STX8: variants seen among roughly 807,000 people sequenced by gnomAD.
STX8 encodes the protein syntaxin-8.
STX8 carries 23 observed loss-of-function variants against 37.5 expected under a neutral mutation model. The observed-to-expected ratio is 0.61, with a 90% CI of 0.44 to 0.87. The LOEUF (loss-of-function observed/expected upper bound fraction) is 0.87, where lower values mean the gene tolerates loss of function less well. Among genes scored for constraint, STX8 ranks in the 40% least tolerant of loss-of-function variants. The pLI is 0.00. For missense variants in STX8, 313 were observed against 284.7 expected, an observed-to-expected ratio of 1.10 and a Z score of -0.71; for synonymous variants, 115 against 99.1, an observed-to-expected ratio of 1.16 and a Z score of -0.95.
chr17:9,546,412 CCTT>C (rs2142571123), intron 3 of STX8, among the ~76,000 whole-genome samples: 1 of 151,308 alleles, frequency 6.6e-6, no homozygotes, highest in Non-Finnish European at 1.5e-5. Flanking sequence ...AAACAACCAT[CCTT>C]CTGGGAAATG....
Position 9,270,348 on chromosome 17 carries a change from C to T in STX8, c.644-19703G>A, listed in dbSNP as rs552854610. ...CAAGCACCGCCGTCTCCTGGGTTCA[C>T]GCCATTCTCCTCCCTCAGCCTCCCA... On this transcript the variant is annotated intron_variant, in intron 7 of 7. Transcript: ENST00000306357. Among the ~76,000 whole-genome samples the T allele has an allele frequency of 4.3e-4, 66 of 152,240 alleles. 1 individual carries two copies. The South Asian group carries it at 5.0e-3, about 11-fold the overall frequency.
chr17:9,558,834 A>C (rs1425430513), intron 2 of STX8, among the ~76,000 whole-genome samples: 1 of 152,094 alleles, frequency 6.6e-6, no homozygotes, highest in Non-Finnish European at 1.5e-5. Context: ...AAAAAAAAAA[A>C]AAGATAAAAG....
chr17:9,439,468 G>C (rs949986663), intron 6 of STX8, among the ~76,000 whole-genome samples: 2 of 151,746 alleles, frequency 1.3e-5, no homozygotes, highest in Non-Finnish European at 2.9e-5. Flanking sequence ...ATCTTCAATA[G>C]TCATATCTTC....
chr17:9,382,422 C>T (rs1017526611), intron 6 of STX8, among the ~76,000 whole-genome samples: 3 of 152,076 alleles, frequency 2.0e-5, no homozygotes, highest in African/African-American at 4.8e-5. Flanking sequence ...AAGGGTATCA[C>T]GCAAGATTTT....
At chr17:9,404,073 T>A (rs1438976813) in intron 6 of STX8, among the ~76,000 whole-genome samples, 6 of 152,184 alleles carry the variant, frequency 3.9e-5, no homozygotes, top group African/African-American at 1.4e-4. Flanking sequence ...CATTATATTC[T>A]TACAATAAAG....
intron 6 of STX8, among the ~76,000 whole-genome samples, chr17:9,487,147 A>G (rs2142466991): frequency 6.6e-6 from 1 of 152,290 alleles, no homozygotes; most frequent in South Asian, 2.1e-4. Flanking sequence ...TCTATGAGGA[A>G]ATTAGAAACT....
intron 6 of STX8, among the ~76,000 whole-genome samples, chr17:9,386,568 C>T (rs985593327): frequency 2.0e-5 from 3 of 151,992 alleles, no homozygotes; most frequent in Admixed American, 2.0e-4. Context: ...AGGGAGGGAG[C>T]TGGCAGGCGG....
intron 7 of STX8, among the ~76,000 whole-genome samples, chr17:9,320,719 C>T (rs1909546288): frequency 6.7e-6 from 1 of 149,108 alleles, no homozygotes; most frequent in Non-Finnish European, 1.5e-5. Flanking sequence ...ATGGTGAAAC[C>T]TCATCTCTAT....
chr17:9,424,527 C>A (rs1489999732), intron 6 of STX8, among the ~76,000 whole-genome samples: 1 of 152,048 alleles, frequency 6.6e-6, no homozygotes, highest in Non-Finnish European at 1.5e-5. Flanking sequence ...GGCCTTCCTC[C>A]CCCTGCCTCT....
chr17:9,501,460 G>C (rs565069087), intron 5 of STX8, among the ~76,000 whole-genome samples: 43 of 152,284 alleles, frequency 2.8e-4, no homozygotes, highest in African/African-American at 1.0e-3. Flanking sequence ...GGAGGCCGAG[G>C]TGGGTGGGTC....
chr17:9,526,136 C>T (rs1196500819), intron 4 of STX8, among the ~76,000 whole-genome samples: 1 of 151,382 alleles, frequency 6.6e-6, no homozygotes, highest in African/African-American at 2.4e-5. Context: ...ATGAGGGCCC[C>T]TGAAAGGGAA....
chr17:9,564,208 C>G (rs1337046662), intron 2 of STX8, among the ~76,000 whole-genome samples: 1 of 151,912 alleles, frequency 6.6e-6, no homozygotes, highest in Non-Finnish European at 1.5e-5. Flanking sequence ...TGCTACCACT[C>G]CTATTCAACA....
chr17:9,283,555 T>G (rs1470093941), intron 7 of STX8, among the ~76,000 whole-genome samples: 1 of 151,942 alleles, frequency 6.6e-6, no homozygotes, highest in Non-Finnish European at 1.5e-5. Context: ...AACAAACAAA[T>G]AAAAGAAATA....
At chr17:9,337,663 G>A (rs555939293) in intron 7 of STX8, among the ~76,000 whole-genome samples, 1 of 152,128 alleles carries the variant, frequency 6.6e-6, no homozygotes, top group Non-Finnish European at 1.5e-5. Flanking sequence ...CACTGTGCCC[G>A]GCCAGAACCT....
At chr17:9,475,637 A>G (rs1012649679) in intron 6 of STX8, among the ~76,000 whole-genome samples, 1 of 152,222 alleles carries the variant, frequency 6.6e-6, no homozygotes, top group Non-Finnish European at 1.5e-5. Flanking sequence ...AATGAGTCAA[A>G]GAAGAGCCTC....
chr17:9,378,784 C>T (rs1015754244), intron 6 of STX8, 131 bp from the exon 7 acceptor site: 18 of 623,616 alleles, frequency 2.9e-5, no homozygotes, highest in African/African-American at 9.3e-5. Context: ...GAACTCATGT[C>T]GATTCTTTGA....
intron 6 of STX8, among the ~76,000 whole-genome samples, chr17:9,380,889 A>G (rs1443233300): frequency 6.6e-6 from 1 of 151,260 alleles, no homozygotes; most frequent in East Asian, 1.9e-4. Context: ...GTATTTTTGT[A>G]TTTTTAGTAG....
At chr17:9,361,913 G>A (rs1218514539) in intron 7 of STX8, among the ~76,000 whole-genome samples, 2 of 152,162 alleles carry the variant, frequency 1.3e-5, no homozygotes, top group Admixed American at 6.6e-5. Context: ...AACCACGCAC[G>A]CCTCCATTTG....
chr17:9,356,755 G>A (rs1160268831), intron 7 of STX8, among the ~76,000 whole-genome samples: 1 of 152,150 alleles, frequency 6.6e-6, no homozygotes, highest in Non-Finnish European at 1.5e-5. Flanking sequence ...GAACGAGCAA[G>A]GCAGGCCTGC....
Sources: allele counts gnomAD v4.1 joint callset (sites outside exome capture counted in the v4.1 genomes callset), GRCh38; gene constraint gnomAD v4.1.1; transcripts MANE v1.5; gene names NCBI Gene and HGNC (gene_info 2026-07-23, HGNC 2026-07-21).